Variants in ACTR3C observed in about 807,000 individuals in gnomAD.
The protein encoded by ACTR3C is actin related protein 3C.
Under a neutral mutation model 26.3 loss-of-function variants are expected in ACTR3C, and 18 were observed. That is an observed-to-expected ratio of 0.68 (90% confidence interval 0.47 to 1.01). The LOEUF (loss-of-function observed/expected upper bound fraction) is 1.01, where lower values mean the gene tolerates loss of function less well. ACTR3C is among the 50% of genes least tolerant of loss of function. The pLI is 0.00. For synonymous variants in ACTR3C, 55 were observed against 94.5 expected (o/e 0.58, Z 2.42); for missense variants, 184 against 250.7 (o/e 0.73, Z 1.80).
At chr7:150,126,403 A>G in the ACTR3C span, among the ~76,000 whole-genome samples, 1 of 152,210 alleles carries the variant, frequency 6.6e-6, no homozygotes, top group Non-Finnish European at 1.5e-5. Flanking sequence ...TGGGGTCACA[A>G]ATAAATAAGT....
chr7:149,917,635 C>CTT, the ACTR3C span, among the ~76,000 whole-genome samples: 4,558 of 93,600 alleles, frequency 0.049, 352 homozygotes, highest in Middle Eastern at 0.083. Context: ...TGTTTTACAT[C>CTT]TTTTTTTTTT....
chr7:150,059,901 T>C, the ACTR3C span, among the ~76,000 whole-genome samples: 11 of 152,206 alleles, frequency 7.2e-5, no homozygotes, highest in Non-Finnish European at 1.2e-4. Flanking sequence ...AGAACACTAG[T>C]AATCAGAATA....
the ACTR3C span, among the ~76,000 whole-genome samples, chr7:150,156,593 G>GGA: frequency 1.3e-5 from 2 of 151,858 alleles, no homozygotes; most frequent in African/African-American, 4.8e-5. Flanking sequence ...GAGAGGGAGA[G>GGA]GAGAGAGAGC....
At chr7:149,925,614 T>G in the ACTR3C span, among the ~76,000 whole-genome samples, 1 of 152,164 alleles carries the variant, frequency 6.6e-6, no homozygotes, top group Non-Finnish European at 1.5e-5. Flanking sequence ...CATTGGGTTT[T>G]TTCCATAAAT....
the ACTR3C span, among the ~76,000 whole-genome samples, chr7:150,123,233 T>TA: frequency 1.0e-4 from 15 of 150,568 alleles, no homozygotes; most frequent in African/African-American, 3.2e-4. Context: ...TAAAGTATAA[T>TA]AAAAAAAGGT....
chr7:150,067,409 G>T, the ACTR3C span, among the ~76,000 whole-genome samples: 1 of 152,188 alleles, frequency 6.6e-6, no homozygotes, highest in Non-Finnish European at 1.5e-5. Context: ...TGTGCATTCT[G>T]GGGACAAAGC....
At chr7:150,161,638 C>A in the ACTR3C span, among the ~76,000 whole-genome samples, 2 of 152,016 alleles carry the variant, frequency 1.3e-5, no homozygotes, top group African/African-American at 4.8e-5. Context: ...GCTAGAAATA[C>A]CATTTGACCC....
chr7:150,216,826 A>G, the ACTR3C span, among the ~76,000 whole-genome samples: 1 of 150,762 alleles, frequency 6.6e-6, no homozygotes, highest in Admixed American at 6.6e-5. Context: ...TCTCTACTAA[A>G]AATACAAAAA....
the ACTR3C span, among the ~76,000 whole-genome samples, chr7:150,226,295 T>TGTCATTTC: frequency 0.061 from 9,302 of 152,202 alleles, 899 homozygotes; most frequent in African/African-American, 0.21. Flanking sequence ...AAGTTGACAG[T>TGTCATTTC]GTCATTTCGC....
chr7:150,172,294 G>C, the ACTR3C span, among the ~76,000 whole-genome samples: 2 of 150,532 alleles, frequency 1.3e-5, no homozygotes, highest in Non-Finnish European at 2.9e-5. Flanking sequence ...GTTCCACATA[G>C]CTGGGGAGGC....
chr7:149,967,988 CT>C, the ACTR3C span, among the ~76,000 whole-genome samples: 1 of 152,194 alleles, frequency 6.6e-6, no homozygotes, highest in Non-Finnish European at 1.5e-5. Flanking sequence ...TCACCATTCC[CT>C]TTTCTGCCCA....
chr7:150,025,157 T>G, the ACTR3C span, among the ~76,000 whole-genome samples: 5 of 148,272 alleles, frequency 3.4e-5, no homozygotes, highest in Admixed American at 3.4e-4. Flanking sequence ...ATCTTGCCAG[T>G]TTTCCCTTAT....
In ACTR3C at chr7:150,279,672, T is replaced by A. The variant is rs1441669709; in HGVS notation, c.564+5081A>T. On this transcript the variant is annotated intron_variant, in intron 6 of 7. Transcript: ENST00000683684. ...TTCTATCTGCGCTCATTATCTTCCC[T>A]CCACCTGGCCTGTCCACCCACCCCC... 1.2e-4 allele frequency among the ~76,000 whole-genome samples: 19 copies of A among 152,150 alleles called. 1 individual carries two copies. The highest frequency in any genetic ancestry group is 1.5e-5 in the Non-Finnish European group (1 of 68,008).
At chr7:149,955,677 A>T in the ACTR3C span, among the ~76,000 whole-genome samples, 2 of 152,174 alleles carry the variant, frequency 1.3e-5, no homozygotes, top group African/African-American at 4.8e-5. Context: ...TGGTAAGAAG[A>T]GAAACTATTA....
the ACTR3C span, among the ~76,000 whole-genome samples, chr7:150,031,643 G>A: frequency 6.6e-6 from 1 of 152,122 alleles, no homozygotes; most frequent in African/African-American, 2.4e-5. Flanking sequence ...ACAGGCAGGT[G>A]TATTTATACC....
chr7:150,182,545 C>CT, the ACTR3C span, among the ~76,000 whole-genome samples: 1 of 150,586 alleles, frequency 6.6e-6, no homozygotes, highest in Non-Finnish European at 1.5e-5. Context: ...TTTGGGAGGT[C>CT]TATTAATAAT....
At chr7:150,251,278 T>A (rs557839208) in intron 6 of ACTR3C, among the ~76,000 whole-genome samples, 36 of 152,358 alleles carry the variant, frequency 2.4e-4, no homozygotes, top group African/African-American at 6.5e-4. Context: ...CACTAAATTC[T>A]GATTACTTTA....
chr7:150,312,524 A>G (rs1459007747), intron 1 of ACTR3C, among the ~76,000 whole-genome samples: 1 of 152,220 alleles, frequency 6.6e-6, no homozygotes, highest in Non-Finnish European at 1.5e-5. Flanking sequence ...CGCCACCTAC[A>G]TTAAAGCTAA....
chr7:150,210,057 T>C, the ACTR3C span, among the ~76,000 whole-genome samples: 2 of 151,566 alleles, frequency 1.3e-5, no homozygotes, highest in Non-Finnish European at 2.9e-5. Context: ...ATCAAAAATA[T>C]GTCAGGGATT....
Sources: allele counts gnomAD v4.1 joint callset (sites outside exome capture counted in the v4.1 genomes callset), GRCh38; gene constraint gnomAD v4.1.1; transcripts MANE v1.5; gene names NCBI Gene and HGNC (gene_info 2026-07-23, HGNC 2026-07-21).